Variants in ACOT1 observed in about 807,000 individuals in gnomAD.
The protein encoded by ACOT1 is acyl-coenzyme A thioesterase 1.
Under a neutral mutation model 15.7 loss-of-function variants are expected in ACOT1, and 8 were observed. The observed-to-expected ratio is 0.51, with a 90% CI of 0.30 to 0.92. ACOT1 has a LOEUF of 0.92. ACOT1 is among the 40% of genes least tolerant of loss of function. ACOT1 has a pLI of 0.06. For synonymous variants in ACOT1, 67 were observed against 241.2 expected, an observed-to-expected ratio of 0.28 and a Z score of 6.69; for missense variants, 151 against 539.4, an observed-to-expected ratio of 0.28 and a Z score of 7.13.
At chr14:73,495,049 G>GAAAC in the ACOT1 span, among the ~76,000 whole-genome samples, 4 of 100,438 alleles carry the variant, frequency 4.0e-5, no homozygotes, top group African/African-American at 1.5e-4. Flanking sequence ...AAAAACCCGA[G>GAAAC]AAACAAACAA....
the ACOT1 span, chr14:73,492,834 T>C: frequency 6.2e-7 from 1 of 1,613,764 alleles, no homozygotes; most frequent in Non-Finnish European, 8.5e-7. The surrounding 1 kb of genome is among the most constrained non-coding windows in gnomAD (Gnocchi z 4.9). Flanking sequence ...CCAGAGTTTG[T>C]GAGAGTGGGG....
the ACOT1 span, among the ~76,000 whole-genome samples, chr14:73,494,537 G>C: frequency 6.6e-6 from 1 of 152,002 alleles, no homozygotes; most frequent in Non-Finnish European, 1.5e-5. Context: ...CCAGAGACAA[G>C]CACTATTTTT....
intron 1 of ACOT1, among the ~76,000 whole-genome samples, chr14:73,540,191 C>G (rs1396738573): frequency 1.3e-5 from 2 of 149,066 alleles, no homozygotes. Flanking sequence ...TTTGTCTTAA[C>G]TTACAAAGTT....
chr14:73,521,895 T>G, the ACOT1 span, among the ~76,000 whole-genome samples: 1 of 152,346 alleles, frequency 6.6e-6, no homozygotes, highest in East Asian at 1.9e-4. Flanking sequence ...TGGAGAAGGT[T>G]GAGAACCAAT....
the ACOT1 span, among the ~76,000 whole-genome samples, chr14:73,505,393 G>GT: frequency 5.4e-4 from 76 of 141,358 alleles, no homozygotes; most frequent in Middle Eastern, 3.6e-3. Context: ...TTTTTGTTTT[G>GT]TTTTTTTTTG....
At chr14:73,495,191 G>A in the ACOT1 span, 1 of 1,580,928 alleles carries the variant, frequency 6.3e-7, no homozygotes, top group Non-Finnish European at 8.6e-7. Flanking sequence ...GCTTATTAAA[G>A]GAATCAAGGC....
At chr14:73,509,289 A>G in the ACOT1 span, 1 of 1,609,422 alleles carries the variant, frequency 6.2e-7, no homozygotes, top group Non-Finnish European at 8.5e-7. Flanking sequence ...TTTCCAGGTC[A>G]GAAGTAACAG....
At chr14:73,500,472 C>T in the ACOT1 span, 1 of 1,415,590 alleles carries the variant, frequency 7.1e-7, no homozygotes, top group Non-Finnish European at 9.7e-7. Context: ...GAATGTTGAG[C>T]ATACTGTGCA....
Position 73,543,625 on chromosome 14 carries a change from C to G in ACOT1, c.1236C>G (p.Gly412=), listed in dbSNP as rs201749139. Residue 412 remains glycine, a synonymous_variant, in exon 3 of 3, where the codon GGC becomes GGG. Coordinates refer to ENST00000311148, the MANE Select transcript of ACOT1 (RefSeq NM_001037161.2). ...CTTTCTTCCACAAACACTTGGGTGGCCACGAGGGGACAATCCCATCAAAAG... is the reference window on the plus strand; with the variant it reads ...CTTTCTTCCACAAACACTTGGGTGGGCACGAGGGGACAATCCCATCAAAAG... ...LQTFFHKHLG[G]HEGTIPSKV 3,642 of 780,492 alleles carry G rather than the reference C, an allele frequency of 4.7e-3. 239 individuals are homozygous for G. In the African/African-American group the frequency reaches 0.067, roughly 14 times the overall value. The allele number at this position is 780,492 out of a possible 1,614,324, so 48.3% of individuals were successfully genotyped here.
At chr14:73,524,269 G>A in the ACOT1 span, among the ~76,000 whole-genome samples, 1 of 119,754 alleles carries the variant, frequency 8.4e-6, no homozygotes, top group African/African-American at 3.3e-5. Flanking sequence ...CACCAGCCTG[G>A]GCAACAAGAG....
chr14:73,542,587 G>A (rs1445837163), intron 2 of ACOT1, among the ~76,000 whole-genome samples: 3 of 105,848 alleles, frequency 2.8e-5, no homozygotes, highest in Non-Finnish European at 6.0e-5. Flanking sequence ...TGTATTTTTA[G>A]TAGAGACAGG....
chr14:73,520,504 A>C, the ACOT1 span: 1 of 184,324 alleles, frequency 5.4e-6, no homozygotes, highest in East Asian at 1.4e-4. Flanking sequence ...TGGTGGGAGA[A>C]TATCTCGAAG....
At chr14:73,522,925 C>T in the ACOT1 span, 1 of 1,614,222 alleles carries the variant, frequency 6.2e-7, no homozygotes, top group African/African-American at 1.3e-5. Flanking sequence ...GCCACACCAC[C>T]TCCTGAGAGA....
At chr14:73,512,281 G>C in the ACOT1 span, 1 of 987,666 alleles carries the variant, frequency 1.0e-6, no homozygotes, top group East Asian at 2.6e-5. Context: ...AAGAATAAAG[G>C]GCCCAGAGAT....
chr14:73,514,912 C>A, the ACOT1 span, among the ~76,000 whole-genome samples: 1 of 151,780 alleles, frequency 6.6e-6, no homozygotes, highest in African/African-American at 2.4e-5. Context: ...TACTAAAATA[C>A]AAAAAATTGG....
At position 73,539,099 on chromosome 14, in the gene ACOT1, C is replaced by G. The variant is rs1398650554; in HGVS notation, c.457+1221C>G. The G allele has an allele frequency of 4.3e-5, 5 of 115,328 alleles. 2 individuals are homozygous for G. The highest frequency in any genetic ancestry group is 9.5e-5 in the Non-Finnish European group (5 of 52,812). 7.1% of individuals were successfully genotyped at this position (115,328 alleles called of 1,614,324 possible). On this transcript the variant is annotated intron_variant, in intron 1 of 2. Transcript: ENST00000311148. The stretch of plus-strand genomic sequence containing the variant: ...AAAAGAATTCCAACTGGTTTTCTCA[C>G]TGTATTTCCATGGCAGCTAGGAGGT...
the ACOT1 span, chr14:73,500,505 C>T: frequency 6.3e-7 from 1 of 1,581,300 alleles, no homozygotes; most frequent in Middle Eastern, 2.3e-4. Flanking sequence ...GTAATGCCCT[C>T]TTCAGGTCAA....
At chr14:73,509,809 CCCAT>C in the ACOT1 span, among the ~76,000 whole-genome samples, 124 of 5,188 alleles carry the variant, frequency 0.024, 8 homozygotes, top group Admixed American at 0.04. Context: ...GCCCCATGAG[CCCAT>C]ATATATATAT....
chr14:73,537,334 A>G lies in ACOT1; in HGVS notation c.-88A>G, dbSNP rs1595152902. On this transcript the variant is annotated 5_prime_UTR_variant, in exon 1 of 3. Transcript: ENST00000311148. Reference sequence around the variant, plus strand: ...TGCCCTAGTGGGCGTTTAGCCTGCGACGGCAGCCCGAGAGGAAGAGTTGGG... The same window carrying G: ...TGCCCTAGTGGGCGTTTAGCCTGCGGCGGCAGCCCGAGAGGAAGAGTTGGG... 1 of 1,131,274 alleles carries G rather than the reference A, an allele frequency of 8.8e-7. No individual in the cohort carries two copies. Among genetic ancestry groups the G allele is most frequent in the Non-Finnish European group, 1.2e-6 (1 of 847,290 alleles). 70.1% of individuals were successfully genotyped at this position (1,131,274 alleles called of 1,614,324 possible). A position where few individuals can be genotyped will look rare whatever the true frequency, so the allele number is the denominator to read the frequency against.
Sources: gnomAD v4.1 joint callset for allele counts (sites outside exome capture counted in the v4.1 genomes callset) on GRCh38, gnomAD v4.1.1 for gene constraint, Gnocchi (gnomAD v3.1) non-coding constraint, MANE v1.5 for transcripts, NCBI Gene and HGNC (gene_info 2026-07-23, HGNC 2026-07-21) for gene names.